GLRB: variants seen among roughly 807,000 people sequenced by gnomAD.
GLRB encodes glycine receptor subunit beta.
In GLRB, 33 loss-of-function variants were observed where a neutral mutation model predicts 54.2. That is an observed-to-expected ratio of 0.61 (90% confidence interval 0.46 to 0.81). The LOEUF (loss-of-function observed/expected upper bound fraction) is 0.81. Among genes scored for constraint, GLRB ranks in the 40% least tolerant of loss-of-function variants. The probability of loss-of-function intolerance (pLI) is 0.00; values close to 1 mark genes in which losing one functional copy is unlikely to be tolerated. For synonymous variants in GLRB, 209 were observed against 208.2 expected, an observed-to-expected ratio of 1.00 and a Z score of -0.03; for missense variants, 572 against 584.6, an observed-to-expected ratio of 0.98 and a Z score of 0.22.
intron 2 of GLRB, among the ~76,000 whole-genome samples, chr4:157,111,467 A>G (rs1039314924): frequency 2.0e-5 from 3 of 151,920 alleles, no homozygotes; most frequent in Non-Finnish European, 4.4e-5. Flanking sequence ...CAGAGGAAGA[A>G]GCTGTAAGCT....
intron 2 of GLRB, among the ~76,000 whole-genome samples, chr4:157,082,845 T>A (rs1323209125): frequency 6.6e-6 from 1 of 152,008 alleles, no homozygotes; most frequent in Non-Finnish European, 1.5e-5. Context: ...TGTTGAAGAA[T>A]AAATTGCACT....
At chr4:157,090,932 ATAGAG>A (rs777170342) in intron 2 of GLRB, among the ~76,000 whole-genome samples, 1 of 152,188 alleles carries the variant, frequency 6.6e-6, no homozygotes, top group Non-Finnish European at 1.5e-5. Context: ...CTGGCAACAA[ATAGAG>A]TAGTGTTTCT....
At chr4:157,151,730 C>A (rs1340182278) in intron 8 of GLRB, among the ~76,000 whole-genome samples, 1 of 151,860 alleles carries the variant, frequency 6.6e-6, no homozygotes, top group Non-Finnish European at 1.5e-5. Flanking sequence ...GAAAAGAGAG[C>A]CAAGTAGACA....
At chr4:157,085,086 C>A (rs1429363279) in intron 2 of GLRB, among the ~76,000 whole-genome samples, 4 of 152,166 alleles carry the variant, frequency 2.6e-5, no homozygotes, top group Non-Finnish European at 4.4e-5. Flanking sequence ...ATTTTGCAAT[C>A]AATTGAATTG....
intron 9 of GLRB, among the ~76,000 whole-genome samples, chr4:157,166,516 A>G (rs1473492448): frequency 6.6e-6 from 1 of 152,064 alleles, no homozygotes; most frequent in Non-Finnish European, 1.5e-5. Flanking sequence ...TACTTAATGA[A>G]CCATGACCTA....
chr4:157,093,231 G>A (rs1734682077), intron 2 of GLRB, among the ~76,000 whole-genome samples: 1 of 152,036 alleles, frequency 6.6e-6, no homozygotes, highest in Non-Finnish European at 1.5e-5. Flanking sequence ...TTTCATAGAT[G>A]TGTGTTCCAC....
chr4:157,114,295 A>G (rs537833636), intron 2 of GLRB, among the ~76,000 whole-genome samples: 4 of 150,338 alleles, frequency 2.7e-5, no homozygotes, highest in Admixed American at 1.3e-4. Context: ...AGAGAGTGCA[A>G]TTGGCTCTCC....
At position 157,163,036 on chromosome 4, in the gene GLRB, C is replaced by T. The variant is rs560475154; in HGVS notation, c.1198-7396C>T. 1.4e-4 allele frequency among the ~76,000 whole-genome samples: 21 copies of T among 152,258 alleles called. No individual in the cohort carries two copies. In the South Asian group the frequency reaches 1.5e-3, roughly 11 times the overall value. On this transcript the variant is annotated intron_variant, in intron 9 of 9. Coordinates refer to ENST00000264428, the MANE Select transcript of GLRB (RefSeq NM_000824.5). ...TTACCTACTCAAGCTTCAGCAATGG[C>T]GGACACCCCTCCCCCAGCCTCGCTT... is the stretch of plus-strand genomic sequence containing the variant.
At chr4:157,129,603 A>G (rs1163234170) in intron 4 of GLRB, among the ~76,000 whole-genome samples, 1 of 151,858 alleles carries the variant, frequency 6.6e-6, no homozygotes, top group Non-Finnish European at 1.5e-5. Context: ...TCTTTGAAGC[A>G]CTTTCATAAT....
At chr4:157,079,976 C>A (rs1015633737) in intron 2 of GLRB, among the ~76,000 whole-genome samples, 2 of 152,050 alleles carry the variant, frequency 1.3e-5, no homozygotes, top group African/African-American at 4.8e-5. Flanking sequence ...TCCCAGTACA[C>A]CCACCCCCCA....
In GLRB at chr4:157,171,741, A is replaced by T. The variant is rs886059191; in HGVS notation, c.*1013A>T. ...TATTTTTTTATTTGAATATTTTGGG[A>T]TTAGTTACAAAATATTTAGAGATTA... On this transcript the variant is annotated 3_prime_UTR_variant, in exon 10 of 10. Transcript: ENST00000264428. The T allele has an allele frequency of 1.3e-5, 2 of 151,898 alleles. No homozygotes were observed. Among genetic ancestry groups the T allele is most frequent in the Non-Finnish European group, 2.9e-5 (2 of 67,798 alleles). The allele number at this position is 151,898 out of a possible 1,614,324, so 9.4% of individuals were successfully genotyped here. A position where few individuals can be genotyped will look rare whatever the true frequency, so the allele number is the denominator to read the frequency against.
chr4:157,145,038 T>C (rs189654976), intron 8 of GLRB, among the ~76,000 whole-genome samples: 4 of 152,332 alleles, frequency 2.6e-5, no homozygotes, highest in African/African-American at 9.6e-5. Context: ...GAATTTAAAT[T>C]CTTAGACTTG....
intron 4 of GLRB, among the ~76,000 whole-genome samples, chr4:157,127,729 A>C (rs1015429455): frequency 6.6e-6 from 1 of 151,800 alleles, no homozygotes; most frequent in Admixed American, 6.6e-5. Flanking sequence ...CAAGGAAGGG[A>C]CCATGACTTA....
chr4:157,128,595 G>A (rs1309189001), intron 4 of GLRB, among the ~76,000 whole-genome samples: 1 of 151,740 alleles, frequency 6.6e-6, no homozygotes, highest in Non-Finnish European at 1.5e-5. Context: ...ATTCTTTATG[G>A]GGTTTCCAGC....
intron 9 of GLRB, among the ~76,000 whole-genome samples, chr4:157,156,887 G>A (rs1011862151): frequency 2.6e-5 from 4 of 152,140 alleles, no homozygotes; most frequent in African/African-American, 9.7e-5. Context: ...ATTATATTAT[G>A]AGACTCCAAA....
At chr4:157,120,841 A>G (rs1735790129) in intron 3 of GLRB, among the ~76,000 whole-genome samples, 179 bp downstream of exon 3, 1 of 151,730 alleles carries the variant, frequency 6.6e-6, no homozygotes, top group African/African-American at 2.4e-5. Context: ...AAATATTCAG[A>G]TGAGTAAAAT....
At chr4:157,122,035 G>T (rs1256474522) in intron 3 of GLRB, among the ~76,000 whole-genome samples, 4 of 148,790 alleles carry the variant, frequency 2.7e-5, no homozygotes, top group South Asian at 2.1e-4. Context: ...TTTAAAAAAA[G>T]ATTTAAAAGT....
At chr4:157,095,132 C>G (rs1340947616) in intron 2 of GLRB, among the ~76,000 whole-genome samples, 1 of 151,944 alleles carries the variant, frequency 6.6e-6, no homozygotes, top group Non-Finnish European at 1.5e-5. Flanking sequence ...AAACAGGTGT[C>G]AAATACAAAA....
chr4:157,108,692 A>C (rs889964448), intron 2 of GLRB, among the ~76,000 whole-genome samples: 7 of 152,088 alleles, frequency 4.6e-5, no homozygotes, highest in African/African-American at 1.7e-4. Context: ...ATGACAACAC[A>C]GGATTTTGAT....
Sources: gnomAD v4.1 joint callset for allele counts (sites outside exome capture counted in the v4.1 genomes callset) on GRCh38, gnomAD v4.1.1 for gene constraint, MANE v1.5 for transcripts, NCBI Gene and HGNC (gene_info 2026-07-23, HGNC 2026-07-21) for gene names.